The following CSNK1D variants were observed in gnomAD, a reference collection of about 807,000 sequenced individuals.
CSNK1D encodes casein kinase 1 delta.
A neutral mutation model predicts 46.6 loss-of-function variants in CSNK1D; 16 were observed. That is an observed-to-expected ratio of 0.34 (90% CI 0.23 to 0.52). The LOEUF (loss-of-function observed/expected upper bound fraction) is 0.52, where lower values mean the gene tolerates loss of function less well. Ranked by LOEUF, CSNK1D falls within the 20% of genes least tolerant of loss-of-function variation. The pLI, the probability that CSNK1D is intolerant of heterozygous loss-of-function variation, is 0.95. For synonymous variants in CSNK1D, 276 were observed against 228.2 expected (o/e 1.21, Z -1.89); for missense variants, 398 against 578.4 (o/e 0.69, Z 3.20).
chr17:82,248,650 T>G lies in CSNK1D; in HGVS notation c.1197+225A>C, dbSNP rs1017224354. 4.3e-6 allele frequency: 6 copies of G among 1,391,268 alleles called. No homozygotes were observed. The African/African-American group carries it at 8.7e-5, about 20-fold the overall frequency. The allele number at this position is 1,391,268 out of a possible 1,614,324, so 86.2% of individuals were successfully genotyped here. A position where few individuals can be genotyped will look rare whatever the true frequency, so the allele number is the denominator to read the frequency against. On this transcript the variant is annotated intron_variant, in intron 8 of 8. Transcript: ENST00000314028. The surrounding 1 kb of genome is among the most constrained non-coding windows in gnomAD (Gnocchi z 4.1). ...GCCTCAGGGACCTGAGACCTGAGAC[T>G]GGCCACCTGCAACCAGGAGACAAGC...
chr17:82,241,246 CTGTGCCGGGGGA>C (rs1251147886), downstream of CSNK1D, among the ~76,000 whole-genome samples: 1 of 152,208 alleles, frequency 6.6e-6, no homozygotes, highest in Non-Finnish European at 1.5e-5. Context: ...TGTGCAAGGC[CTGTGCCGGGGGA>C]GGTGGCGGGG....
rs1224084685 is a variant in CSNK1D, at chr17:82,244,629, T to C, written c.*152A>G. The C allele has an allele frequency of 6.5e-7, 1 of 1,537,346 alleles. No individual in the cohort carries two copies. The highest frequency in any genetic ancestry group is 8.7e-7 in the Non-Finnish European group (1 of 1,146,970). On this transcript the variant is annotated 3_prime_UTR_variant, in exon 9 of 9. Transcript: ENST00000314028. ...CTTGGAGTCTGTCCGTTTAGTATGT[T>C]TCCCCCACGAGCGTCGCTGGGTGAG...
At chr17:82,241,412 G>A (rs2050740466), downstream of CSNK1D, among the ~76,000 whole-genome samples, 1 of 152,228 alleles carries the variant, frequency 6.6e-6, no homozygotes, top group Non-Finnish European at 1.5e-5. Flanking sequence ...CCATGCCTGA[G>A]GACACAGACC....
rs184972125 is a variant in CSNK1D at position 82,251,310 on chromosome 17, G to A, written c.885+69C>T. 2.3e-4 allele frequency: 362 copies of A among 1,586,772 alleles called. 1 individual carries two copies. The African/African-American group carries it at 3.6e-3, about 16-fold the overall frequency. ...GGTACAGCCCCTCAACAAGACGGCC[G>A]CCGGCCTCTCACTGACAAGCCATCC... On this transcript the variant is annotated intron_variant, in intron 6 of 8. Transcript: ENST00000314028. This position sits in a 1 kb window ranked among gnomAD's most constrained non-coding sequence, Gnocchi z 4.5.
At position 82,251,779 on chromosome 17, in the gene CSNK1D, A is replaced by C. The variant is rs1487862041; in HGVS notation, c.737-252T>G. 41 of 498,120 alleles carry C rather than the reference A, an allele frequency of 8.2e-5. No homozygotes were observed. Among genetic ancestry groups the C allele is most frequent in the Non-Finnish European group, 1.0e-4 (28 of 270,932 alleles). The allele number at this position is 498,120 out of a possible 1,614,324, so 30.9% of individuals were successfully genotyped here. ...GCTGAGGAGGGCGGATCACGAGGTC[A>C]GGAGATCAAGACCATCCTGGCTAAC... is the stretch of plus-strand genomic sequence containing the variant. On this transcript the variant is annotated intron_variant, in intron 5 of 8. Coordinates refer to ENST00000314028, the MANE Select transcript of CSNK1D (RefSeq NM_001893.6). The surrounding 1 kb of genome is among the most constrained non-coding windows in gnomAD (Gnocchi z 4.5).
In CSNK1D at chr17:82,273,134, C is replaced by G. The variant is rs1052832174; in HGVS notation, c.76+172G>C. 2.4e-5 allele frequency: 16 copies of G among 668,600 alleles called. No individual in the cohort carries two copies. Among genetic ancestry groups the G allele is most frequent in the Middle Eastern group, 8.2e-4 (2 of 2,446 alleles). 41.4% of individuals were successfully genotyped at this position (668,600 alleles called of 1,614,324 possible). A position where few individuals can be genotyped will look rare whatever the true frequency, so the allele number is the denominator to read the frequency against. ...CACGTCCGCTCCCCACTGCCCTCCC[C>G]ACCCCTGGCCGCGCTAGCCTAGTGG... On this transcript the variant is annotated intron_variant, in intron 1 of 8. Transcript: ENST00000314028. This position sits in a 1 kb window ranked among gnomAD's most constrained non-coding sequence, Gnocchi z 5.1.
chr17:82,262,494 G>T (rs907194365), intron 2 of CSNK1D, among the ~76,000 whole-genome samples: 12 of 152,208 alleles, frequency 7.9e-5, no homozygotes, highest in African/African-American at 2.9e-4. Flanking sequence ...CTGGAAGGCA[G>T]CATCCATCAA....
intron 2 of CSNK1D, among the ~76,000 whole-genome samples, chr17:82,258,204 CAAA>C (rs36125401): frequency 3.9e-5 from 2 of 51,900 alleles, no homozygotes; most frequent in Non-Finnish European, 4.2e-5. Context: ...GAGACCGTCT[CAAA>C]AAAAAAAAAA....
downstream of CSNK1D, among the ~76,000 whole-genome samples, chr17:82,242,213 G>GA (rs2050750298): frequency 9.8e-6 from 1 of 102,490 alleles, no homozygotes; most frequent in Non-Finnish European, 1.8e-5. Context: ...TGTGTGCTCT[G>GA]GGGGGGGGGG....
rs759895822 is a variant in CSNK1D, at chr17:82,251,533, A to G, written c.737-6T>C. ...CAGGTATGTGGCAAATTCGGCTACA[A>G]AACAAGAAACTCAAAGCTAACTCAT... is the stretch of plus-strand genomic sequence containing the variant. On this transcript the variant is annotated splice_polypyrimidine_tract_variant and splice_region_variant and intron_variant, in intron 5 of 8. Transcript: ENST00000314028. This position sits in a 1 kb window ranked among gnomAD's most constrained non-coding sequence, Gnocchi z 4.5. 2 of 1,613,916 alleles carry G rather than the reference A, an allele frequency of 1.2e-6. No individual in the cohort carries two copies. Among genetic ancestry groups the G allele is most frequent in the Non-Finnish European group, 1.7e-6 (2 of 1,179,952 alleles).
chr17:82,245,155 A>G (rs1416405343), intron 8 of CSNK1D: 1 of 537,696 alleles, frequency 1.9e-6, no homozygotes, highest in Non-Finnish European at 3.4e-6. Context: ...GTGTTTGAAA[A>G]TGGGTACCCC....
rs563541017 is a variant in CSNK1D at position 82,271,878 on chromosome 17, C to T, written c.76+1428G>A. ...TCCTGACCCTAGCTGACAGGTGCCC[C>T]AGTTAAAACACACCCCAAAGCTAGG... On this transcript the variant is annotated intron_variant, in intron 1 of 8. Transcript: ENST00000314028. Among the ~76,000 whole-genome samples, 5 of 152,336 alleles carry T rather than the reference C, an allele frequency of 3.3e-5. No homozygotes were observed. The East Asian group carries it at 9.6e-4, about 29-fold the overall frequency.
downstream of CSNK1D, among the ~76,000 whole-genome samples, chr17:82,240,817 G>A (rs549027184): frequency 1.3e-5 from 2 of 152,302 alleles, no homozygotes; most frequent in South Asian, 4.1e-4. Context: ...TGGGGTCCCT[G>A]TGCCGCAGGG....
rs541802784 is a variant in CSNK1D at position 82,250,976 on chromosome 17, G to A, written c.885+403C>T. ...CATGACAGGGTCAGTCAGGCTAGAC[G>A]GGTAGCACCTCACCAGGCCCCAACC... On this transcript the variant is annotated intron_variant, in intron 6 of 8. Coordinates refer to ENST00000314028, the MANE Select transcript of CSNK1D (RefSeq NM_001893.6). The surrounding 1 kb of genome is among the most constrained non-coding windows in gnomAD (Gnocchi z 4.6). The A allele has an allele frequency of 1.3e-4, 40 of 313,452 alleles. No individual in the cohort carries two copies. The highest frequency in any genetic ancestry group is 2.8e-4 in the South Asian group (10 of 36,128). The allele number at this position is 313,452 out of a possible 1,614,324, so 19.4% of individuals were successfully genotyped here.
chr17:82,250,042 C>T lies in CSNK1D; in HGVS notation c.886-440G>A, dbSNP rs1361660782. 1.6e-6 allele frequency: 2 copies of T among 1,263,888 alleles called. No homozygotes were observed. The highest frequency in any genetic ancestry group is 2.4e-5 in the Admixed American group (1 of 40,914). The allele number at this position is 1,263,888 out of a possible 1,614,324, so 78.3% of individuals were successfully genotyped here. On this transcript the variant is annotated intron_variant, in intron 6 of 8. Transcript: ENST00000314028. This position sits in a 1 kb window ranked among gnomAD's most constrained non-coding sequence, Gnocchi z 4.6. The stretch of plus-strand genomic sequence containing the variant: ...AGAGCGTTTGGTCGGACGAGGAGTA[C>T]ACTCAGGGTCCGGACCCTGCAGCCT...
In CSNK1D at chr17:82,244,467, GGCGGCCACCACT is replaced by G; in HGVS notation, c.*302_*313del. On this transcript the variant is annotated 3_prime_UTR_variant, in exon 9 of 9. Transcript: ENST00000314028. Reference sequence around the variant, plus strand: ...ACAGTGGAATCGTCAGGGAGTACAGGGCGGCCACCACTGGAGGGAGCTGAGGCCCTGGAAAAG... The same window carrying G: ...ACAGTGGAATCGTCAGGGAGTACAGGGGAGGGAGCTGAGGCCCTGGAAAAG... 1 of 1,360,996 alleles carries G rather than the reference GGCGGCCACCACT, an allele frequency of 7.3e-7. No homozygotes were observed. Among genetic ancestry groups the G allele is most frequent in the Non-Finnish European group, 9.5e-7 (1 of 1,051,950 alleles). The allele number at this position is 1,360,996 out of a possible 1,614,324, so 84.3% of individuals were successfully genotyped here.
At chr17:82,240,557 CCT>C (rs1039957704), downstream of CSNK1D, among the ~76,000 whole-genome samples, 4 of 152,276 alleles carry the variant, frequency 2.6e-5, no homozygotes, top group East Asian at 5.8e-4. Context: ...CTCCTGGAAC[CCT>C]GTTTCCAGGT....
intron 2 of CSNK1D, among the ~76,000 whole-genome samples, chr17:82,262,233 T>C (rs1323028388): frequency 6.6e-6 from 1 of 152,200 alleles, no homozygotes; most frequent in African/African-American, 2.4e-5. Flanking sequence ...CCACGTAGGG[T>C]GGCCGCCATT....
chr17:82,260,608 G>A (rs545893830), intron 2 of CSNK1D, among the ~76,000 whole-genome samples: 1 of 148,320 alleles, frequency 6.7e-6, no homozygotes, highest in Admixed American at 6.6e-5. Context: ...TGTACTGAGT[G>A]ACGTGACTGA....
Sources: gnomAD v4.1 joint callset for allele counts (sites outside exome capture counted in the v4.1 genomes callset) on GRCh38, gnomAD v4.1.1 for gene constraint, Gnocchi (gnomAD v3.1) non-coding constraint, MANE v1.5 for transcripts, NCBI Gene and HGNC (gene_info 2026-07-23, HGNC 2026-07-21) for gene names.